The following SLCO1B1 variants were observed in gnomAD, a reference collection of about 807,000 sequenced individuals.
SLCO1B1 encodes the protein solute carrier organic anion transporter family member 1B1.
Under a neutral mutation model 70.1 loss-of-function variants are expected in SLCO1B1, and 81 were observed. The observed-to-expected ratio is 1.16, with a 90% CI of 0.97 to 1.39. The LOEUF (loss-of-function observed/expected upper bound fraction) is 1.39. Ranked by LOEUF, SLCO1B1 falls within the 40% of genes most tolerant of loss-of-function variation. SLCO1B1 has a pLI of 0.00. For missense variants in SLCO1B1, 895 were observed against 799.6 expected (o/e 1.12, Z -1.44); for synonymous variants, 283 against 271.5 (o/e 1.04, Z -0.42).
At chr12:21,170,671 T>C (rs1028837120) in intron 2 of SLCO1B1, among the ~76,000 whole-genome samples, 1 of 152,250 alleles carries the variant, frequency 6.6e-6, no homozygotes. Flanking sequence ...ACAACTAGTT[T>C]TGATACTCTT....
At chr12:21,190,301 G>A (rs752985631) in intron 7 of SLCO1B1, among the ~76,000 whole-genome samples, 13 of 152,136 alleles carry the variant, frequency 8.5e-5, no homozygotes, top group Non-Finnish European at 1.6e-4. Context: ...CCAGCCTTTC[G>A]GCATTATGTC....
At chr12:21,135,568 G>C (rs1940207415) in intron 1 of SLCO1B1, among the ~76,000 whole-genome samples, 1 of 152,152 alleles carries the variant, frequency 6.6e-6, no homozygotes. Flanking sequence ...TTGTTGAATT[G>C]ATCCCTTTAC....
chr12:21,233,563 C>CAAAAAA (rs1941564641), intron 14 of SLCO1B1, among the ~76,000 whole-genome samples: 1 of 88,938 alleles, frequency 1.1e-5, no homozygotes, highest in Non-Finnish European at 2.7e-5. Flanking sequence ...AAAAAAAAAA[C>CAAAAAA]AAACAAACAA....
rs751514211 is a variant in SLCO1B1 at position 21,222,397 on chromosome 12, A to AATATATATATAT, written c.1747+53_1747+64dup. On this transcript the variant is annotated intron_variant, in intron 13 of 14. Transcript: ENST00000256958. ...GAAAAAAAAAAAAAAAAAAAAAAAA[A>AATATATATATAT]ATATATATATATATATATATATATA... 171 of 97,696 alleles carry AATATATATATAT rather than the reference A, an allele frequency of 1.8e-3. 2 individuals are homozygous for AATATATATATAT. The highest frequency in any genetic ancestry group is 5.2e-3 in the East Asian group (14 of 2,706). 6.1% of individuals were successfully genotyped at this position (97,696 alleles called of 1,614,324 possible).
chr12:21,186,254 C>T (rs1470946969), intron 7 of SLCO1B1, among the ~76,000 whole-genome samples: 1 of 152,036 alleles, frequency 6.6e-6, no homozygotes, highest in Non-Finnish European at 1.5e-5. Flanking sequence ...ACTATTAAAG[C>T]ATAACTTTAT....
chr12:21,215,125 C>T (rs1367169117), intron 11 of SLCO1B1, among the ~76,000 whole-genome samples: 1 of 152,086 alleles, frequency 6.6e-6, no homozygotes, highest in Non-Finnish European at 1.5e-5. Flanking sequence ...TATCATAGTG[C>T]AGAGAGATAA....
intron 1 of SLCO1B1, among the ~76,000 whole-genome samples, chr12:21,141,157 C>T (rs1425496570): frequency 6.6e-6 from 1 of 151,842 alleles, no homozygotes; most frequent in Non-Finnish European, 1.5e-5. Context: ...ATAAAGAAAA[C>T]ATATATTTGC....
At chr12:21,210,001 T>C (rs1369949846) in intron 11 of SLCO1B1, among the ~76,000 whole-genome samples, 6 of 151,422 alleles carry the variant, frequency 4.0e-5, no homozygotes, top group Admixed American at 6.6e-5. Context: ...TTCTCCCATT[T>C]TGTAGGTTGC....
chr12:21,169,879 A>G (rs1358605113), intron 2 of SLCO1B1, among the ~76,000 whole-genome samples: 1 of 151,544 alleles, frequency 6.6e-6, no homozygotes, highest in African/African-American at 2.4e-5. Flanking sequence ...CATAAGGAGA[A>G]CTCTCCTCAC....
At chr12:21,164,877 A>G (rs1415686815) in intron 2 of SLCO1B1, 4 of 475,316 alleles carry the variant, frequency 8.4e-6, no homozygotes, top group African/African-American at 3.9e-5. Flanking sequence ...GCAATTATAA[A>G]ACTCAATACA....
chr12:21,165,117 G>A (rs1372720694), intron 2 of SLCO1B1, among the ~76,000 whole-genome samples: 1 of 152,066 alleles, frequency 6.6e-6, no homozygotes, highest in Non-Finnish European at 1.5e-5. Flanking sequence ...TAGAAGCTTG[G>A]AACTGTCTTC....
At chr12:21,205,672 G>T (rs917791532) in intron 10 of SLCO1B1, among the ~76,000 whole-genome samples, 196 bp from the exon 11 acceptor site, 2 of 150,896 alleles carry the variant, frequency 1.3e-5, no homozygotes, top group Admixed American at 6.6e-5. Flanking sequence ...GATGGAGAGC[G>T]TAAAATAAAT....
chr12:21,211,003 C>A (rs1941277179), intron 11 of SLCO1B1, among the ~76,000 whole-genome samples: 1 of 152,152 alleles, frequency 6.6e-6, no homozygotes, highest in South Asian at 2.1e-4. Flanking sequence ...ATGTCATCTG[C>A]AAACAGGGAC....
rs991797764 is a variant in SLCO1B1, at chr12:21,172,882, A to G, written c.226+91A>G. Reference sequence around the variant, plus strand: ...ACTGGTTATCAACTGGGGTAAATTTATCTCTCACAGGCAATTTGGCAATAA... The same window carrying G: ...ACTGGTTATCAACTGGGGTAAATTTGTCTCTCACAGGCAATTTGGCAATAA... On this transcript the variant is annotated intron_variant, in intron 3 of 14. Coordinates refer to ENST00000256958, the MANE Select transcript of SLCO1B1 (RefSeq NM_006446.5). 6 of 1,220,884 alleles carry G rather than the reference A, an allele frequency of 4.9e-6. No homozygotes were observed. The African/African-American group carries it at 9.1e-5, about 19-fold the overall frequency. The allele number at this position is 1,220,884 out of a possible 1,614,324, so 75.6% of individuals were successfully genotyped here.
At chr12:21,235,134 T>TA (rs377653960) in intron 14 of SLCO1B1, among the ~76,000 whole-genome samples, 18,161 of 150,460 alleles carry the variant, frequency 0.12, 1,488 homozygotes, top group Non-Finnish European at 0.18. Context: ...TGCCTAGTGC[T>TA]GTCAGTCTGG....
chr12:21,147,729 G>A (rs1940407839), intron 2 of SLCO1B1, among the ~76,000 whole-genome samples: 1 of 152,150 alleles, frequency 6.6e-6, no homozygotes, highest in Non-Finnish European at 1.5e-5. Context: ...TGTGAATAGT[G>A]CTGCAATAAA....
At position 21,202,671 on chromosome 12, in the gene SLCO1B1, C is replaced by A. The variant is rs776539887; in HGVS notation, c.1316C>A (p.Thr439Asn). The A allele has an allele frequency of 3.1e-5, 50 of 1,611,430 alleles. No homozygotes were observed. The highest frequency in any genetic ancestry group is 5.0e-5 in the Admixed American group (3 of 59,820). Reference sequence around the variant, plus strand: ...GAAAACAAATCAGTTGCCGGACTAACCATGACCTATGATGGGTTTGTATAT... The same window carrying A: ...GAAAACAAATCAGTTGCCGGACTAAACATGACCTATGATGGGTTTGTATAT... ...LCENKSVAGL[T>N]MTYDGNNPVT... Residue 439 changes from threonine to asparagine, a missense_variant, in exon 10 of 15, where the codon ACC (threonine) becomes AAC (asparagine). Transcript: ENST00000256958.
At chr12:21,198,909 C>T (rs776565606) in intron 8 of SLCO1B1, among the ~76,000 whole-genome samples, 227 of 152,112 alleles carry the variant, frequency 1.5e-3, no homozygotes, top group Non-Finnish European at 6.8e-4. Flanking sequence ...AAAAATGCAA[C>T]GCTTGTGTGA....
intron 13 of SLCO1B1, 24 bp downstream of exon 13, chr12:21,222,388 AAAAAAAAAAATATAT>A (rs1203504020): frequency 5.5e-6 from 2 of 361,078 alleles, no homozygotes; most frequent in African/African-American, 3.5e-5. Context: ...AAAAAAAAAA[AAAAAAAAAAATATAT>A]ATATATATAT....
Sources: allele counts gnomAD v4.1 joint callset (sites outside exome capture counted in the v4.1 genomes callset), GRCh38; gene constraint gnomAD v4.1.1; transcripts MANE v1.5; gene names NCBI Gene and HGNC (gene_info 2026-07-23, HGNC 2026-07-21).